The following FGF13 variants were observed in gnomAD, a reference collection of about 807,000 sequenced individuals.
FGF13 encodes fibroblast growth factor 13.
Under a neutral mutation model 19.5 loss-of-function variants are expected in FGF13, and 2 were observed. The observed-to-expected ratio is 0.10, with a 90% CI of 0.04 to 0.32. FGF13 has a LOEUF of 0.32. Ranked by LOEUF, FGF13 falls within the 10% of genes least tolerant of loss-of-function variation. The pLI is 1.00. For synonymous variants in FGF13, 72 were observed against 76.9 expected (o/e 0.94, Z 0.33); for missense variants, 113 against 192.7 (o/e 0.59, Z 2.45).
At chrX:138,788,705 G>A (rs1282139704) in intron 3 of FGF13, among the ~76,000 whole-genome samples, 1 of 111,904 alleles carries the variant, frequency 8.9e-6, no homozygotes, top group Non-Finnish European at 1.9e-5. Flanking sequence ...TTTTTCTATT[G>A]GGGTAGCTGA....
chrX:138,940,077 A>C (rs929245900), intron 1 of FGF13, among the ~76,000 whole-genome samples: 1 of 111,380 alleles, frequency 9.0e-6, no homozygotes, highest in Non-Finnish European at 1.9e-5. Flanking sequence ...CCTCACCAGG[A>C]TCTGTTATTT....
intron 3 of FGF13, among the ~76,000 whole-genome samples, chrX:138,653,234 C>T (rs994837817): frequency 9.0e-6 from 1 of 111,023 alleles, no homozygotes; most frequent in African/African-American, 3.3e-5. Flanking sequence ...TTTACCAAAA[C>T]AAAGATAATA....
At chrX:139,199,006 A>G (rs1603237393) in intron 1 of FGF13, among the ~76,000 whole-genome samples, 1 of 112,887 alleles carries the variant, frequency 8.9e-6, no homozygotes, top group East Asian at 2.8e-4. Flanking sequence ...TATATTACAA[A>G]TAGATAACCT....
At chrX:138,909,272 G>C (rs1489457036) in intron 1 of FGF13, among the ~76,000 whole-genome samples, 3 of 111,958 alleles carry the variant, frequency 2.7e-5, no homozygotes, top group Non-Finnish European at 5.6e-5. Flanking sequence ...TGGGAGACTT[G>C]AGGGTAGATG....
intron 1 of FGF13, among the ~76,000 whole-genome samples, chrX:138,892,771 T>A (rs2091484187): frequency 9.1e-6 from 1 of 109,616 alleles, no homozygotes; most frequent in Non-Finnish European, 1.9e-5. Context: ...TGGGGGCTCA[T>A]ATATAGTGGG....
At chrX:138,721,640 C>G (rs1456538501) in intron 1 of FGF13, among the ~76,000 whole-genome samples, 1 of 110,442 alleles carries the variant, frequency 9.1e-6, no homozygotes, top group Non-Finnish European at 1.9e-5. Context: ...CTAGTTCCAT[C>G]TCTGTATCTT....
chrX:138,696,415 G>C (rs2089896645), intron 3 of FGF13, among the ~76,000 whole-genome samples: 1 of 111,792 alleles, frequency 8.9e-6, no homozygotes, highest in Admixed American at 9.5e-5. Context: ...AGTGGTGATG[G>C]TTGGACAGCC....
intron 3 of FGF13, among the ~76,000 whole-genome samples, chrX:138,784,331 A>T (rs1430754765): frequency 8.5e-5 from 8 of 93,702 alleles, no homozygotes; most frequent in African/African-American, 1.5e-4. Flanking sequence ...AAAAAAAATT[A>T]AAAAAAAAAA....
chrX:138,868,098 G>A (rs1259342178), intron 1 of FGF13, among the ~76,000 whole-genome samples: 1 of 111,718 alleles, frequency 9.0e-6, no homozygotes, highest in Non-Finnish European at 1.9e-5. Context: ...TCATGAAAAT[G>A]TTCAATATGT....
intron 1 of FGF13, among the ~76,000 whole-genome samples, chrX:139,146,528 T>A (rs943828133): frequency 8.9e-6 from 1 of 112,178 alleles, no homozygotes; most frequent in Admixed American, 9.4e-5. Context: ...GGTGGGACTG[T>A]AAACTAGTTA....
chrX:138,815,847 C>T (rs1307531326), intron 3 of FGF13, among the ~76,000 whole-genome samples: 1 of 109,900 alleles, frequency 9.1e-6, no homozygotes, highest in Non-Finnish European at 1.9e-5. Context: ...TTCAATAAAA[C>T]CAAACAAACA....
At chrX:139,084,685 G>GA (rs1252158575) in intron 1 of FGF13, among the ~76,000 whole-genome samples, 1 of 111,960 alleles carries the variant, frequency 8.9e-6, no homozygotes, top group Non-Finnish European at 1.9e-5. Context: ...TTTATTCCCA[G>GA]AAAAACATTG....
At chrX:138,686,640 C>T in intron 3 of FGF13, among the ~76,000 whole-genome samples, 1 of 111,617 alleles carries the variant, frequency 9.0e-6, no homozygotes, top group Non-Finnish European at 1.9e-5. Flanking sequence ...ACACTGATGT[C>T]TTGGTAGAAT....
intron 1 of FGF13, among the ~76,000 whole-genome samples, chrX:139,189,415 G>A (rs910255925): frequency 9.0e-6 from 1 of 111,546 alleles, no homozygotes; most frequent in African/African-American, 3.3e-5. Context: ...GAATGGATAA[G>A]CCAAATGTGG....
At chrX:139,110,968 G>A (rs1405869745) in intron 1 of FGF13, among the ~76,000 whole-genome samples, 1 of 111,600 alleles carries the variant, frequency 9.0e-6, no homozygotes, top group Non-Finnish European at 1.9e-5. Flanking sequence ...GTTTTGTGGT[G>A]GTGGTCTAGG....
chrX:139,072,193 T>G (rs1189633943), intron 1 of FGF13, among the ~76,000 whole-genome samples: 1 of 107,967 alleles, frequency 9.3e-6, no homozygotes, highest in Non-Finnish European at 1.9e-5. Flanking sequence ...TTCATAAAAG[T>G]GGGGCCCTAA....
chrX:138,861,735 G>A (rs1245536260), intron 2 of FGF13, among the ~76,000 whole-genome samples: 2 of 112,142 alleles, frequency 1.8e-5, no homozygotes, highest in African/African-American at 6.5e-5. Context: ...GGGTGTGGTG[G>A]CTCACGCCTG....
At chrX:138,848,247 A>G (rs1490976587) in intron 3 of FGF13, among the ~76,000 whole-genome samples, 1 of 111,270 alleles carries the variant, frequency 9.0e-6, no homozygotes, top group Admixed American at 9.6e-5. Context: ...ACATGGCCAT[A>G]AGTTCTAAAG....
chrX:138,854,347 G>T (rs2091244319), downstream of FGF13, among the ~76,000 whole-genome samples: 1 of 111,632 alleles, frequency 9.0e-6, no homozygotes, highest in African/African-American at 3.2e-5. Context: ...AGTGTAATTT[G>T]GCCTTCGTGT....
Sources: allele counts gnomAD v4.1 joint callset (sites outside exome capture counted in the v4.1 genomes callset), GRCh38; gene constraint gnomAD v4.1.1; transcripts MANE v1.5; gene names NCBI Gene and HGNC (gene_info 2026-07-23, HGNC 2026-07-21).